CWF19L2: variants seen among roughly 807,000 people sequenced by gnomAD.
CWF19L2 encodes the protein CWF19-like protein 2.
CWF19L2 carries 98 observed loss-of-function variants against 111.7 expected under a neutral mutation model. The observed-to-expected ratio is 0.88, with a 90% confidence interval of 0.75 to 1.04. The LOEUF is 1.04. CWF19L2 is among the 50% of genes least tolerant of loss of function. The pLI is 0.00. For synonymous variants in CWF19L2, 351 were observed against 342.9 expected (o/e 1.02, Z -0.26); for missense variants, 1,101 against 1,051.4 (o/e 1.05, Z -0.65).
intron 14 of CWF19L2, among the ~76,000 whole-genome samples, chr11:107,341,494 A>G (rs1345265017): frequency 6.6e-6 from 1 of 152,118 alleles, no homozygotes; most frequent in Non-Finnish European, 1.5e-5. Flanking sequence ...ATTTGCTAAT[A>G]TTTTGTTGAT....
intron 14 of CWF19L2, 131 bp downstream of exon 14, chr11:107,348,806 A>G (rs1272170125): frequency 2.0e-6 from 1 of 511,244 alleles, no homozygotes; most frequent in Non-Finnish European, 3.6e-6. Context: ...ATATACAACT[A>G]TGAAAACACA....
At chr11:107,402,873 GTATATATATATATATATATA>G (rs145828149) in intron 10 of CWF19L2, among the ~76,000 whole-genome samples, 1 of 94,468 alleles carries the variant, frequency 1.1e-5, no homozygotes, top group African/African-American at 4.8e-5. Context: ...ACTGTGGTGT[GTATATATATATATATATATA>G]TATATATATA....
chr11:107,389,747 G>A (rs1677079069), intron 12 of CWF19L2, among the ~76,000 whole-genome samples: 1 of 152,096 alleles, frequency 6.6e-6, no homozygotes, highest in Non-Finnish European at 1.5e-5. Flanking sequence ...AGACGGAGTG[G>A]TAACCTAACT....
In CWF19L2 at chr11:107,376,177, C is replaced by T. The variant is rs1189651896; in HGVS notation, c.1872+13897G>A. Among the ~76,000 whole-genome samples the T allele has an allele frequency of 1.4e-3, 173 of 125,366 alleles. 1 individual carries two copies. The East Asian group carries it at 0.018, about 13-fold the overall frequency. The allele number at this position is 125,366 out of a possible 152,430, so 82.2% of individuals were successfully genotyped here. On this transcript the variant is annotated intron_variant, in intron 12 of 17. Transcript: ENST00000282251. ...CAGATGGATTCACAGCCAAATTCTA[C>T]CAGAGGTACAAGGAGGAACTGGTAC...
chr11:107,369,792 A>G lies in CWF19L2; in HGVS notation c.1873-16056T>C, dbSNP rs561295892. Among the ~76,000 whole-genome samples, 2 of 138,614 alleles carry G rather than the reference A, an allele frequency of 1.4e-5. 1 individual carries two copies. Among genetic ancestry groups the G allele is most frequent in the South Asian group, 4.8e-4 (2 of 4,142 alleles). The allele number at this position is 138,614 out of a possible 152,430, so 90.9% of individuals were successfully genotyped here. A position where few individuals can be genotyped will look rare whatever the true frequency, so the allele number is the denominator to read the frequency against. ...TGATAAAGACACAGAAGAGCAAATA[A>G]TGATGTATTAAGACAGCATAATTAT... On this transcript the variant is annotated intron_variant, in intron 12 of 17. Transcript: ENST00000282251.
At chr11:107,397,900 G>A (rs985600251) in intron 10 of CWF19L2, among the ~76,000 whole-genome samples, 2 of 152,158 alleles carry the variant, frequency 1.3e-5, no homozygotes, top group South Asian at 2.1e-4. Flanking sequence ...TGGGTGGCTA[G>A]ACCCAGAAGA....
At chr11:107,410,001 G>A (rs1861134318) in intron 10 of CWF19L2, among the ~76,000 whole-genome samples, 2 of 152,064 alleles carry the variant, frequency 1.3e-5, no homozygotes. Context: ...AAAGAAGAGG[G>A]ATAAGGAAAC....
intron 12 of CWF19L2, among the ~76,000 whole-genome samples, chr11:107,362,576 A>G (rs969157971): frequency 3.9e-5 from 6 of 152,004 alleles, no homozygotes; most frequent in Non-Finnish European, 5.9e-5. Context: ...GACACCTCAC[A>G]TGGCTGGGTA....
In CWF19L2 at chr11:107,390,106, G is replaced by A; in HGVS notation, c.1840C>T (p.Gln614Ter). ...GCCATTCTCATAAAGAGCTTGTTTT[G>A]ATTTTCTGCTGTTCCCATCTTTTCA... is the stretch of plus-strand genomic sequence containing the variant. The part of the protein sequence containing the change: ...KNEKMGTAEN[Q>*]NKLFMRMASK... Residue 614 changes from glutamine (Q) to a stop codon, truncating the protein, a stop_gained, in exon 12 of 18, where the codon CAA becomes TAA. Coordinates refer to ENST00000282251, the MANE Select transcript of CWF19L2 (RefSeq NM_152434.3). LOFTEE classifies it high-confidence loss of function. The A allele has an allele frequency of 6.2e-7, 1 of 1,612,632 alleles. No individual in the cohort carries two copies. The highest frequency in any genetic ancestry group is 8.5e-7 in the Non-Finnish European group (1 of 1,179,384).
In CWF19L2 at chr11:107,397,865, C is replaced by T. The variant is rs1013431340; in HGVS notation, c.1618-4970G>A. On this transcript the variant is annotated intron_variant, in intron 10 of 17. Coordinates refer to ENST00000282251, the MANE Select transcript of CWF19L2 (RefSeq NM_152434.3). ...CAGGACTCTGTGAAAACCCCCCGTA[C>T]CAGCCCATAGCCAGGTAAACTTGCT... is the stretch of plus-strand genomic sequence containing the variant. Among the ~76,000 whole-genome samples, 4 of 152,234 alleles carry T rather than the reference C, an allele frequency of 2.6e-5. No individual in the cohort carries two copies. In the South Asian group the frequency reaches 8.3e-4, roughly 32 times the overall value.
At chr11:107,444,709 CTCT>C (rs1189472835) in intron 3 of CWF19L2, among the ~76,000 whole-genome samples, 40 of 152,274 alleles carry the variant, frequency 2.6e-4, no homozygotes, top group African/African-American at 9.4e-4. Context: ...TAAAGCTATC[CTCT>C]TCTTCTACAA....
At chr11:107,387,137 A>T (rs1176446645) in intron 12 of CWF19L2, among the ~76,000 whole-genome samples, 1 of 151,848 alleles carries the variant, frequency 6.6e-6, no homozygotes, top group Non-Finnish European at 1.5e-5. Context: ...ACCCTACACT[A>T]CCATGTGACC....
At position 107,455,771 on chromosome 11, in the gene CWF19L2, T is replaced by C; in HGVS notation, c.111A>G (p.Lys37=). 6.5e-7 allele frequency: 1 copy of C among 1,548,038 alleles called. No homozygotes were observed. Among genetic ancestry groups the C allele is most frequent in the Non-Finnish European group, 8.7e-7 (1 of 1,144,412 alleles). The part of the protein sequence containing the change: ...NARAEVLRQA[K]ANFEKEERRK... ...GCCTTTCTTCTTTTTCAAAATTGGC[T>C]TTAGCCTACAACCAAAGAAAAAAAA... The change falls in exon 2 of 18, where the codon AAA becomes AAG. Residue 37 remains lysine (K), a synonymous_variant. Coordinates refer to ENST00000282251, the MANE Select transcript of CWF19L2 (RefSeq NM_152434.3).
chr11:107,329,646 T>A (rs1859813494), intron 17 of CWF19L2, among the ~76,000 whole-genome samples: 1 of 152,182 alleles, frequency 6.6e-6, no homozygotes, highest in African/African-American at 2.4e-5. Flanking sequence ...ATCATCATTC[T>A]CAACACAAGC....
chr11:107,409,771 C>T (rs1310373604), intron 10 of CWF19L2, among the ~76,000 whole-genome samples: 1 of 152,034 alleles, frequency 6.6e-6, no homozygotes, highest in Admixed American at 6.6e-5. Flanking sequence ...AATAAAGAAG[C>T]TGTACTTGTG....
rs971029804 is a variant in CWF19L2, at chr11:107,336,723, A to C, written c.2203-10T>G. On this transcript the variant is annotated splice_polypyrimidine_tract_variant and intron_variant, in intron 14 of 17. Transcript: ENST00000282251. ...ATGATTTTCTGAACATCTAAAAAAA[A>C]AAAAGAACTAGGTAAAGAAAACACT... The C allele has an allele frequency of 7.2e-7, 1 of 1,384,800 alleles. No individual in the cohort carries two copies. Among genetic ancestry groups the C allele is most frequent in the Non-Finnish European group, 9.7e-7 (1 of 1,027,222 alleles). 85.8% of individuals were successfully genotyped at this position (1,384,800 alleles called of 1,614,324 possible).
chr11:107,405,850 A>AAAAGAAGAAG lies in CWF19L2; in HGVS notation c.1617+10358_1617+10359insCTTCTTCTTT, dbSNP rs5794548. ...AATATGAAGCAAGCCAAAAAAAAAA[A>AAAAGAAGAAG]AAGAAGAAGAAGAAGAAGATAATGC... is the stretch of plus-strand genomic sequence containing the variant. On this transcript the variant is annotated intron_variant, in intron 10 of 17. Transcript: ENST00000282251. Among the ~76,000 whole-genome samples, 386 of 141,820 alleles carry AAAAGAAGAAG rather than the reference A, an allele frequency of 2.7e-3. 1 individual carries two copies. The highest frequency in any genetic ancestry group is 9.0e-3 in the African/African-American group (342 of 38,060). The allele number at this position is 141,820 out of a possible 152,430, so 93.0% of individuals were successfully genotyped here.
intron 10 of CWF19L2, chr11:107,404,506 G>A: frequency 5.5e-6 from 4 of 730,752 alleles, no homozygotes; most frequent in Admixed American, 1.8e-5. Context: ...TGTATGGACT[G>A]TATCCCACAA....
intron 10 of CWF19L2, chr11:107,403,841 G>T: frequency 1.2e-6 from 1 of 808,536 alleles, no homozygotes; most frequent in Non-Finnish European, 2.2e-6. Flanking sequence ...ATTGTTAAGT[G>T]AATCTGTGCT....
Sources: gnomAD v4.1 joint callset for allele counts (sites outside exome capture counted in the v4.1 genomes callset) on GRCh38, gnomAD v4.1.1 for gene constraint, MANE v1.5 for transcripts, NCBI Gene and HGNC (gene_info 2026-07-23, HGNC 2026-07-21) for gene names.